The following FBLN5 variants were observed in gnomAD, a reference collection of about 807,000 sequenced individuals.
The protein encoded by FBLN5 is fibulin-5.
In FBLN5, 24 loss-of-function variants were observed where a neutral mutation model predicts 61.6. The observed-to-expected ratio is 0.39, with a 90% CI of 0.28 to 0.55. The LOEUF (loss-of-function observed/expected upper bound fraction) is 0.55. Among genes scored for constraint, FBLN5 ranks in the 20% least tolerant of loss-of-function variants. FBLN5 has a pLI of 0.65. For synonymous variants in FBLN5, 213 were observed against 219.8 expected (o/e 0.97, Z 0.27); for missense variants, 470 against 594.1 (o/e 0.79, Z 2.17).
At chr14:91,876,929 G>A (rs1889190295) in intron 10 of FBLN5, among the ~76,000 whole-genome samples, 1 of 152,164 alleles carries the variant, frequency 6.6e-6, no homozygotes, top group Non-Finnish European at 1.5e-5. Context: ...CTGGGCTCAA[G>A]CAATCCTCCC....
rs1438856335 is a variant in FBLN5 at position 91,869,554 on chromosome 14, T to C, written c.*670A>G. The C allele has an allele frequency of 6.5e-6, 1 of 153,594 alleles. No individual in the cohort carries two copies. Among genetic ancestry groups the C allele is most frequent in the Non-Finnish European group, 1.4e-5 (1 of 69,028 alleles). 9.5% of individuals were successfully genotyped at this position (153,594 alleles called of 1,614,324 possible). A position where few individuals can be genotyped will look rare whatever the true frequency, so the allele number is the denominator to read the frequency against. ...AGACTGGGTTTGGGAAGACAGAACA[T>C]AGCATGTGTCTGAAGGCCTTTCGAA... is the stretch of plus-strand genomic sequence containing the variant. On this transcript the variant is annotated 3_prime_UTR_variant, in exon 11 of 11. Transcript: ENST00000342058.
At chr14:91,915,536 A>C (rs970619749) in intron 4 of FBLN5, among the ~76,000 whole-genome samples, 1 of 151,772 alleles carries the variant, frequency 6.6e-6, no homozygotes. Flanking sequence ...ATACAAAAAA[A>C]TTAGCCCAGG....
Position 91,869,764 on chromosome 14 carries a change from G to C in FBLN5, c.*460C>G. ...TGTTTACATAGCCTTCTCTGTGTACGCAAAAAGCAAACTAGCTACTCCCAG... is the reference window on the plus strand; with the variant it reads ...TGTTTACATAGCCTTCTCTGTGTACCCAAAAAGCAAACTAGCTACTCCCAG... On this transcript the variant is annotated 3_prime_UTR_variant, in exon 11 of 11. Coordinates refer to ENST00000342058, the MANE Select transcript of FBLN5 (RefSeq NM_006329.4). The C allele has an allele frequency of 8.7e-6, 2 of 229,354 alleles. No individual in the cohort carries two copies. The highest frequency in any genetic ancestry group is 1.8e-5 in the Non-Finnish European group (2 of 113,992). The allele number at this position is 229,354 out of a possible 1,614,324, so 14.2% of individuals were successfully genotyped here.
chr14:91,914,490 A>C (rs1360132232), intron 4 of FBLN5, among the ~76,000 whole-genome samples: 1 of 149,926 alleles, frequency 6.7e-6, no homozygotes, highest in Non-Finnish European at 1.5e-5. Context: ...AAAAAAAAAA[A>C]AAAAAAAAAA....
intron 5 of FBLN5, among the ~76,000 whole-genome samples, chr14:91,894,402 CAAAAAAAA>C (rs58035118): frequency 5.8e-5 from 2 of 34,408 alleles, no homozygotes; most frequent in African/African-American, 2.4e-4. Flanking sequence ...GACACCATAT[CAAAAAAAA>C]AAAAAAAAAA....
At chr14:91,880,561 G>GTT (rs1889388475) in intron 9 of FBLN5, among the ~76,000 whole-genome samples, 1 of 137,392 alleles carries the variant, frequency 7.3e-6, no homozygotes, top group Non-Finnish European at 1.6e-5. Context: ...GTGTGTGTGT[G>GTT]TTTTGAGACA....
intron 9 of FBLN5, among the ~76,000 whole-genome samples, chr14:91,880,776 C>G (rs1290686967): frequency 6.6e-6 from 1 of 152,096 alleles, no homozygotes; most frequent in Non-Finnish European, 1.5e-5. Flanking sequence ...CTCTCAAACT[C>G]TTGAGCTCAG....
At chr14:91,942,551 A>G (rs2056122100) in intron 2 of FBLN5, among the ~76,000 whole-genome samples, 1 of 152,254 alleles carries the variant, frequency 6.6e-6, no homozygotes, top group African/African-American at 2.4e-5. Flanking sequence ...CTTAATACCT[A>G]GTGATGAATT....
chr14:91,921,129 G>C (rs142145838), intron 4 of FBLN5, among the ~76,000 whole-genome samples: 1 of 152,000 alleles, frequency 6.6e-6, no homozygotes, highest in Admixed American at 6.6e-5. Context: ...CCGTCACCTG[G>C]GATTTTATGA....
intron 10 of FBLN5, 114 bp downstream of exon 10, chr14:91,877,373 C>T: frequency 2.3e-6 from 2 of 871,860 alleles, no homozygotes; most frequent in Admixed American, 1.7e-5. Flanking sequence ...ACTCTTCTCT[C>T]TGCCTACCTG....
At chr14:91,930,494 T>C (rs576382764) in intron 4 of FBLN5, among the ~76,000 whole-genome samples, 60 of 152,336 alleles carry the variant, frequency 3.9e-4, no homozygotes, top group African/African-American at 1.4e-3. Flanking sequence ...GTAGTCCCAA[T>C]GCCCTCAGCA....
At chr14:91,898,796 CTTTTT>C (rs35840279) in intron 4 of FBLN5, among the ~76,000 whole-genome samples, 2 of 84,242 alleles carry the variant, frequency 2.4e-5, no homozygotes, top group African/African-American at 5.2e-5. Context: ...TTCATTCATT[CTTTTT>C]TTTTTTTTTT....
In FBLN5 at chr14:91,912,008, A is replaced by ATAT. The variant is rs574674808; in HGVS notation, c.380-16939_380-16937dup. On this transcript the variant is annotated intron_variant, in intron 4 of 10. Coordinates refer to ENST00000342058, the MANE Select transcript of FBLN5 (RefSeq NM_006329.4). ...TTCCAGTTTGTCTCATGTCATATGA[A>ATAT]TATTACACTGTGCATCATTGTTACA... Among the ~76,000 whole-genome samples, 488 of 152,376 alleles carry ATAT rather than the reference A, an allele frequency of 3.2e-3. 5 individuals are homozygous for ATAT. The highest frequency in any genetic ancestry group is 0.03 in the South Asian group (147 of 4,832).
rs1438452657 is a variant in FBLN5 at position 91,882,182 on chromosome 14, A to G, written c.863-764T>C. Reference sequence around the variant, plus strand: ...AAAAAGAAAAAAAAGAAAGAAAGAAAAGAAAATATAGTAGTAAAAGTAATT... The same window carrying G: ...AAAAAGAAAAAAAAGAAAGAAAGAAGAGAAAATATAGTAGTAAAAGTAATT... On this transcript the variant is annotated intron_variant, in intron 8 of 10. Transcript: ENST00000342058. This position sits in a 1 kb window ranked among gnomAD's most constrained non-coding sequence, Gnocchi z 4.9. 6.6e-6 allele frequency among the ~76,000 whole-genome samples: 1 copy of G among 152,182 alleles called. No individual in the cohort carries two copies. Among genetic ancestry groups the G allele is most frequent in the Non-Finnish European group, 1.5e-5 (1 of 68,038 alleles).
In FBLN5 at chr14:91,877,643, G is replaced by T; in HGVS notation, c.1029C>A (p.Asp343Glu). ...CCCGGTACAAGATGGTAAAGGGCTG[G>T]TCTCTGCAGCCAGGGTTCTCAGCAG... The part of the protein sequence containing the change: ...MCPAENPGCR[D>E]QPFTILYRDM... Residue 343 changes from aspartate (D) to glutamate (E), a missense_variant, in exon 10 of 11, where the codon GAC (aspartate) becomes GAA (glutamate). Physicochemically the swap from Asp to Glu is conservative, Grantham distance 45 (BLOSUM62 2). Transcript: ENST00000342058. 2 of 1,614,130 alleles carry T rather than the reference G, an allele frequency of 1.2e-6. No homozygotes were observed. The highest frequency in any genetic ancestry group is 1.7e-6 in the Non-Finnish European group (2 of 1,179,972).
intron 7 of FBLN5, among the ~76,000 whole-genome samples, chr14:91,885,624 G>C (rs536497481): frequency 6.6e-6 from 1 of 152,260 alleles, no homozygotes; most frequent in East Asian, 1.9e-4. Flanking sequence ...TGGTTGGCTG[G>C]TTGATTTTTT....
chr14:91,923,475 T>C (rs1566822066), intron 4 of FBLN5, among the ~76,000 whole-genome samples: 1 of 152,232 alleles, frequency 6.6e-6, no homozygotes, highest in Non-Finnish European at 1.5e-5. Flanking sequence ...GGTTGACTCA[T>C]GACCAAGACT....
intron 7 of FBLN5, among the ~76,000 whole-genome samples, chr14:91,883,664 A>AAAAACACAC (rs758858453): frequency 1.3e-5 from 2 of 148,392 alleles, no homozygotes; most frequent in African/African-American, 5.0e-5. Flanking sequence ...AAACAAAAAA[A>AAAAACACAC]ACACACACAC....
rs1888850241 is a variant in FBLN5 at position 91,870,164 on chromosome 14, C to T, written c.*60G>A. Reference sequence around the variant, plus strand: ...TCGCTCTCATTCTCTCTGTTATTTCCTCTCTTCTCCTGTCCCTTGGTGCCA... The same window carrying T: ...TCGCTCTCATTCTCTCTGTTATTTCTTCTCTTCTCCTGTCCCTTGGTGCCA... On this transcript the variant is annotated 3_prime_UTR_variant, in exon 11 of 11. Coordinates refer to ENST00000342058, the MANE Select transcript of FBLN5 (RefSeq NM_006329.4). The T allele has an allele frequency of 6.6e-7, 1 of 1,520,092 alleles. No individual in the cohort carries two copies. Among genetic ancestry groups the T allele is most frequent in the Non-Finnish European group, 9.1e-7 (1 of 1,094,482 alleles). The allele number at this position is 1,520,092 out of a possible 1,614,324, so 94.2% of individuals were successfully genotyped here.
Sources: gnomAD v4.1 joint callset for allele counts (sites outside exome capture counted in the v4.1 genomes callset) on GRCh38, gnomAD v4.1.1 for gene constraint, Gnocchi (gnomAD v3.1) non-coding constraint, MANE v1.5 for transcripts, NCBI Gene and HGNC (gene_info 2026-07-23, HGNC 2026-07-21) for gene names.